Variants in ZFAND4 observed in about 807,000 individuals in gnomAD.
The protein encoded by ZFAND4 is zinc finger AN1-type containing 4, also known as AN1-type zinc finger protein 4.
Under a neutral mutation model 64.4 loss-of-function variants are expected in ZFAND4, and 43 were observed. The ratio of observed to expected loss-of-function variants is 0.67; its 90% CI spans 0.52 to 0.86. The LOEUF (loss-of-function observed/expected upper bound fraction) is 0.86. Among genes scored for constraint, ZFAND4 ranks in the 40% least tolerant of loss-of-function variants. The probability of loss-of-function intolerance (pLI) is 0.00; values close to 1 mark genes in which losing one functional copy is unlikely to be tolerated. For missense variants in ZFAND4, 929 were observed against 859.8 expected (o/e 1.08, Z -1.01); for synonymous variants, 296 against 305.7 (o/e 0.97, Z 0.33).
Position 45,615,743 on chromosome 10 carries a change from C to T in ZFAND4, c.*693G>A, listed in dbSNP as rs892041737. 2 of 151,946 alleles carry T rather than the reference C, an allele frequency of 1.3e-5. No individual in the cohort carries two copies. The highest frequency in any genetic ancestry group is 4.8e-5 in the African/African-American group (2 of 41,412). The allele number at this position is 151,946 out of a possible 1,614,324, so 9.4% of individuals were successfully genotyped here. A position where few individuals can be genotyped will look rare whatever the true frequency, so the allele number is the denominator to read the frequency against. Reference sequence around the variant, plus strand: ...TATTTAATGGCAAGTGGGACATCTTCTATTTTAAAATTAACATTCAAAAAG... The same window carrying T: ...TATTTAATGGCAAGTGGGACATCTTTTATTTTAAAATTAACATTCAAAAAG... On this transcript the variant is annotated 3_prime_UTR_variant, in exon 10 of 10. Transcript: ENST00000344646.
chr10:45,635,216 A>AAAAAAAAAAAAAAAAAAAAAAAAAAC (rs2046501188), intron 6 of ZFAND4, among the ~76,000 whole-genome samples: 2 of 139,412 alleles, frequency 1.4e-5, no homozygotes, highest in African/African-American at 5.9e-5. Context: ...AAAAAAAACA[A>AAAAAAAAAAAAAAAAAAAAAAAAAAC]AAAAAAAACA....
In ZFAND4 at chr10:45,616,219, C is replaced by T; in HGVS notation, c.*217G>A. 1 of 541,118 alleles carries T rather than the reference C, an allele frequency of 1.8e-6. No individual in the cohort carries two copies. Among genetic ancestry groups the T allele is most frequent in the Non-Finnish European group, 3.1e-6 (1 of 321,612 alleles). 33.5% of individuals were successfully genotyped at this position (541,118 alleles called of 1,614,324 possible). A position where few individuals can be genotyped will look rare whatever the true frequency, so the allele number is the denominator to read the frequency against. On this transcript the variant is annotated 3_prime_UTR_variant, in exon 10 of 10. Transcript: ENST00000344646. Reference sequence around the variant, plus strand: ...CATGCAATAACAAAGCTAAATCATTCCAGTGTAAAGTTGTTAAAACTACTT... The same window carrying T: ...CATGCAATAACAAAGCTAAATCATTTCAGTGTAAAGTTGTTAAAACTACTT...
chr10:45,640,381 G>A (rs186245118), intron 5 of ZFAND4: 5 of 1,265,310 alleles, frequency 4.0e-6, no homozygotes, highest in Middle Eastern at 2.2e-4. Context: ...TTTGGCACGG[G>A]AGAGAAGTAC....
intron 1 of ZFAND4, among the ~76,000 whole-genome samples, chr10:45,665,447 A>G (rs2048758723): frequency 6.6e-6 from 1 of 152,174 alleles, no homozygotes; most frequent in Non-Finnish European, 1.5e-5. Flanking sequence ...AGGCTGAGGC[A>G]GGAGAACCGC....
At chr10:45,667,672 T>C (rs548998902) in intron 1 of ZFAND4, among the ~76,000 whole-genome samples, 1 of 152,256 alleles carries the variant, frequency 6.6e-6, no homozygotes, top group Admixed American at 6.5e-5. Flanking sequence ...TTTTACCAAG[T>C]TGGCCAGGCT....
Position 45,626,132 on chromosome 10 carries a change from A to G in ZFAND4, c.1691T>C (p.Val564Ala), listed in dbSNP as rs1177238532. Residue 564 changes from valine (V) to alanine (A), a missense_variant, in exon 7 of 10, where the codon GTA (valine) becomes GCA (alanine). Transcript: ENST00000344646. ...TGAGGCAAGAAAACTGATATTATTT[A>G]CACAACCAACAGGCTCTTTGGAAGC... ...NKASKEPVGC[V>A]NNISFLASLA... 2 of 1,614,036 alleles carry G rather than the reference A, an allele frequency of 1.2e-6. No individual in the cohort carries two copies. The highest frequency in any genetic ancestry group is 1.7e-5 in the Admixed American group (1 of 59,996).
intron 8 of ZFAND4, among the ~76,000 whole-genome samples, chr10:45,619,495 C>G (rs1437748570): frequency 1.3e-5 from 2 of 152,022 alleles, no homozygotes; most frequent in African/African-American, 4.8e-5. Context: ...CACACAAAGG[C>G]TAAGAAGCAA....
chr10:45,646,958 G>T (rs2047425521), intron 5 of ZFAND4, among the ~76,000 whole-genome samples: 1 of 152,146 alleles, frequency 6.6e-6, no homozygotes, highest in Admixed American at 6.5e-5. Flanking sequence ...TGCTCTCTGA[G>T]GCCACAAAAA....
intron 6 of ZFAND4, among the ~76,000 whole-genome samples, chr10:45,635,448 T>C (rs1008740837): frequency 6.6e-6 from 1 of 152,108 alleles, no homozygotes; most frequent in Non-Finnish European, 1.5e-5. Flanking sequence ...TAAATAATGT[T>C]GGGAAAACTG....
At chr10:45,671,327 T>C (rs2049172292) in intron 1 of ZFAND4, among the ~76,000 whole-genome samples, 1 of 152,240 alleles carries the variant, frequency 6.6e-6, no homozygotes, top group Non-Finnish European at 1.5e-5. Flanking sequence ...ATCCCATTAC[T>C]GGGTATATAC....
At chr10:45,650,807 A>G (rs2047711662) in intron 4 of ZFAND4, 2 of 152,084 alleles carry the variant, frequency 1.3e-5, no homozygotes, top group South Asian at 2.1e-4. Flanking sequence ...ATTACTATAA[A>G]CATTTATAGT....
rs758324846 is a variant in ZFAND4, at chr10:45,626,382, T to C, written c.1441A>G (p.Met481Val). Residue 481 changes from methionine (M) to valine (V), a missense_variant, in exon 7 of 10, where the codon ATG becomes GTG. By Grantham distance (21) the Met-to-Val change is conservative (BLOSUM62 1). Transcript: ENST00000344646. ...TTCACCAGAGAATTATGTAGCGACATTGGTGCAGAACAGCGAAGAGGTGAC... is the reference window on the plus strand; with the variant it reads ...TTCACCAGAGAATTATGTAGCGACACTGGTGCAGAACAGCGAAGAGGTGAC... ...LLSPLRCSAP[M>V]SLHNSLVKPE... 1.2e-5 allele frequency: 20 copies of C among 1,614,172 alleles called. No homozygotes were observed. The East Asian group carries it at 3.3e-4, about 27-fold the overall frequency.
intron 5 of ZFAND4, among the ~76,000 whole-genome samples, chr10:45,645,258 A>G (rs1255703559): frequency 6.6e-6 from 1 of 152,182 alleles, no homozygotes; most frequent in Non-Finnish European, 1.5e-5. Context: ...GTGAGCCACC[A>G]TGCCCTTTAA....
intron 2 of ZFAND4, chr10:45,662,505 G>T: frequency 1.4e-6 from 1 of 708,878 alleles, no homozygotes; most frequent in Non-Finnish European, 1.7e-6. Context: ...CTCCAAAAAA[G>T]GTATCCTTTA....
rs2045666012 is a variant in ZFAND4, at chr10:45,624,616, T to A, written c.1894A>T (p.Asn632Tyr). The change falls in exon 8 of 10, where the codon AAT becomes TAT. Residue 632 changes from asparagine to tyrosine, a missense_variant. Transcript: ENST00000344646. Reference protein sequence around the residue: ...VFLSTHGVGMNGNNAAAGKSV... With the variant: ...VFLSTHGVGMYGNNAAAGKSV... ...TTCCCTGCTGCTGCATTATTTCCAT[T>A]CATTCCAACACCATGGGTAGACTAC... is the stretch of plus-strand genomic sequence containing the variant. 6.2e-7 allele frequency: 1 copy of A among 1,613,962 alleles called. No homozygotes were observed. Among genetic ancestry groups the A allele is most frequent in the Non-Finnish European group, 8.5e-7 (1 of 1,179,924 alleles).
At chr10:45,628,952 G>T (rs1305921990) in intron 6 of ZFAND4, among the ~76,000 whole-genome samples, 1 of 148,806 alleles carries the variant, frequency 6.7e-6, no homozygotes, top group Non-Finnish European at 1.5e-5. Context: ...GGAGAGGTTT[G>T]CTGATGGAAC....
At chr10:45,665,121 A>G (rs2048733112) in intron 1 of ZFAND4, among the ~76,000 whole-genome samples, 1 of 152,222 alleles carries the variant, frequency 6.6e-6, no homozygotes, top group Non-Finnish European at 1.5e-5. Context: ...TAGAACTAGG[A>G]GCACAAAAAT....
Position 45,653,079 on chromosome 10 carries a change from A to T in ZFAND4, c.185-20T>A, listed in dbSNP as rs778744010. The T allele has an allele frequency of 6.3e-7, 1 of 1,576,210 alleles. No homozygotes were observed. The highest frequency in any genetic ancestry group is 8.7e-7 in the Non-Finnish European group (1 of 1,149,948). The stretch of plus-strand genomic sequence containing the variant: ...GAATACCTTAAGGGAAAGTTATTAA[A>T]AAAAAGTGTTAAAGAATTCAATAGC... On this transcript the variant is annotated intron_variant, in intron 2 of 9. Transcript: ENST00000344646.
chr10:45,630,238 G>A (rs79180351), intron 6 of ZFAND4, among the ~76,000 whole-genome samples: 9,104 of 152,094 alleles, frequency 0.06, 398 homozygotes, highest in African/African-American at 0.12. Context: ...AGTATTTGCA[G>A]ATATTTTTTA....
Sources: gnomAD v4.1 joint callset for allele counts (sites outside exome capture counted in the v4.1 genomes callset) on GRCh38, gnomAD v4.1.1 for gene constraint, MANE v1.5 for transcripts, NCBI Gene and HGNC (gene_info 2026-07-23, HGNC 2026-07-21) for gene names.